RANBP2: variants seen among roughly 807,000 people sequenced by gnomAD.
RANBP2 encodes the protein E3 SUMO-protein ligase RanBP2.
In RANBP2, 57 loss-of-function variants were observed where a neutral mutation model predicts 303.6. The ratio of observed to expected loss-of-function variants is 0.19; its 90% confidence interval spans 0.15 to 0.23. RANBP2 has a LOEUF of 0.23. Among genes scored for constraint, RANBP2 ranks in the 10% least tolerant of loss-of-function variants. The probability of loss-of-function intolerance (pLI) is 1.00; values close to 1 mark genes in which losing one functional copy is unlikely to be tolerated. For synonymous variants in RANBP2, 1,167 were observed against 1,301.5 expected, an observed-to-expected ratio of 0.90 and a Z score of 2.23; for missense variants, 3,138 against 3,780.8, an observed-to-expected ratio of 0.83 and a Z score of 4.46.
the RANBP2 span, chr2:108,894,739 C>T: frequency 1.3e-5 from 2 of 148,308 alleles, no homozygotes; most frequent in East Asian, 3.9e-4. Flanking sequence ...CAGAGTAAAT[C>T]CCATGTTTCC....
chr2:109,117,130 C>A, the RANBP2 span, among the ~76,000 whole-genome samples: 1 of 152,250 alleles, frequency 6.6e-6, no homozygotes, highest in African/African-American at 2.4e-5. Flanking sequence ...AGATCTCCAG[C>A]TGCATGCTGG....
At chr2:109,562,246 A>T in the RANBP2 span, among the ~76,000 whole-genome samples, 8 of 151,942 alleles carry the variant, frequency 5.3e-5, no homozygotes, top group Non-Finnish European at 5.9e-5. Flanking sequence ...AATTAAATTT[A>T]AAAAAATACA....
chr2:109,564,368 G>T, the RANBP2 span: 5 of 1,550,970 alleles, frequency 3.2e-6, no homozygotes, highest in Non-Finnish European at 4.4e-6. Flanking sequence ...CACCCTACCT[G>T]ACTGGCTTGT....
the RANBP2 span, chr2:109,732,940 A>G: frequency 1.5e-6 from 1 of 672,754 alleles, no homozygotes; most frequent in Non-Finnish European, 2.8e-6. Flanking sequence ...AGGAACTGTC[A>G]AACGGTGAAA....
chr2:108,766,190 C>T lies in RANBP2; in HGVS notation c.5651C>T (p.Ser1884Leu), dbSNP rs1197718834. 3 of 1,612,058 alleles carry T rather than the reference C, an allele frequency of 1.9e-6. No homozygotes were observed. Among genetic ancestry groups the T allele is most frequent in the Non-Finnish European group, 2.5e-6 (3 of 1,179,980 alleles). ...FQGSSNTEFK[S>L]TKEGFSIPVS... Reference sequence around the variant, plus strand: ...GGTTCTTCTAATACAGAATTTAAGTCAACCAAAGAAGGATTTTCCATCCCT... The same window carrying T: ...GGTTCTTCTAATACAGAATTTAAGTTAACCAAAGAAGGATTTTCCATCCCT... The change falls in exon 20 of 29, where the codon TCA (serine) becomes TTA (leucine). Residue 1884 changes from serine (S) to leucine (L), a missense_variant. Coordinates refer to ENST00000283195, the MANE Select transcript of RANBP2 (RefSeq NM_006267.5).
chr2:108,730,879 T>C lies in RANBP2; in HGVS notation c.246T>C (p.Cys82=), dbSNP rs779956599. The change falls in exon 3 of 29, where the codon TGT becomes TGC. Residue 82 remains cysteine (C), a synonymous_variant. Transcript: ENST00000283195. ...LEENTDKAVE[C]YRRSVELNPT... is the part of the protein sequence containing the mutation. Reference sequence around the variant, plus strand: ...AAAACACAGACAAAGCCGTTGAATGTTACAGGGTAAGTTACAGGATTCAAA... The same window carrying C: ...AAAACACAGACAAAGCCGTTGAATGCTACAGGGTAAGTTACAGGATTCAAA... 3.1e-6 allele frequency: 5 copies of C among 1,611,552 alleles called. No homozygotes were observed. The highest frequency in any genetic ancestry group is 1.1e-5 in the South Asian group (1 of 90,990).
At chr2:109,184,904 A>G in the RANBP2 span, among the ~76,000 whole-genome samples, 1 of 152,264 alleles carries the variant, frequency 6.6e-6, no homozygotes, top group Non-Finnish European at 1.5e-5. Context: ...GCCTCATCAA[A>G]CAACCAAGAA....
chr2:108,882,829 G>T, the RANBP2 span: 6 of 152,164 alleles, frequency 3.9e-5, no homozygotes, highest in African/African-American at 1.4e-4. Flanking sequence ...CTAGATAAAT[G>T]GAACTGTGTG....
chr2:109,200,702 G>T, the RANBP2 span, among the ~76,000 whole-genome samples: 2 of 152,156 alleles, frequency 1.3e-5, no homozygotes, highest in Admixed American at 6.5e-5. Flanking sequence ...ACTCCGGTTG[G>T]TTCACCTGCT....
the RANBP2 span, among the ~76,000 whole-genome samples, chr2:108,808,635 C>T: frequency 1.4e-4 from 22 of 152,202 alleles, no homozygotes; most frequent in East Asian, 3.7e-3. Flanking sequence ...TTTTCATATA[C>T]CTGTTGGCTG....
the RANBP2 span, among the ~76,000 whole-genome samples, chr2:108,986,072 G>C: frequency 6.6e-6 from 1 of 152,124 alleles, no homozygotes; most frequent in Admixed American, 6.5e-5. Context: ...GACACTCTAA[G>C]GGCAATGATG....
the RANBP2 span, among the ~76,000 whole-genome samples, chr2:109,105,854 C>CT: frequency 4.3e-3 from 535 of 124,940 alleles, 3 homozygotes; most frequent in African/African-American, 0.011. Context: ...CGCGCCTGGT[C>CT]TTTTTTTTTT....
At chr2:109,281,015 C>G in the RANBP2 span, among the ~76,000 whole-genome samples, 1 of 152,356 alleles carries the variant, frequency 6.6e-6, no homozygotes, top group Non-Finnish European at 1.5e-5. Context: ...GCCTCACGCT[C>G]CTGACAACTG....
chr2:108,802,577 A>G, the RANBP2 span, among the ~76,000 whole-genome samples: 1 of 144,082 alleles, frequency 6.9e-6, no homozygotes, highest in African/African-American at 2.7e-5. Context: ...GTCTGCAAAC[A>G]GGGACAATTT....
the RANBP2 span, among the ~76,000 whole-genome samples, chr2:109,660,012 G>A: frequency 1.6e-4 from 25 of 152,198 alleles, no homozygotes; most frequent in African/African-American, 5.8e-4. Context: ...TGAGGCAGGA[G>A]AATAAGGCCT....
At chr2:108,742,438 G>T (rs1261578602) in intron 7 of RANBP2, among the ~76,000 whole-genome samples, 1 of 151,988 alleles carries the variant, frequency 6.6e-6, no homozygotes, top group African/African-American at 2.4e-5. Context: ...CACGTATCTG[G>T]GATTACAGGC....
chr2:108,883,582 G>A, the RANBP2 span: 1 of 152,262 alleles, frequency 6.6e-6, no homozygotes, highest in Admixed American at 6.5e-5. Flanking sequence ...GAGGATTCAG[G>A]ATGTCCAGTT....
chr2:109,075,318 G>A, the RANBP2 span, among the ~76,000 whole-genome samples: 118 of 150,126 alleles, frequency 7.9e-4, 1 homozygote, highest in African/African-American at 2.8e-3. Context: ...ACTGCCTACC[G>A]GGTTCAAGCA....
chr2:109,046,239 G>T, the RANBP2 span, among the ~76,000 whole-genome samples: 1 of 150,278 alleles, frequency 6.7e-6, no homozygotes, highest in Admixed American at 6.6e-5. Context: ...GGGAGGCGAA[G>T]GTTGCAGTGA....
Sources: allele counts gnomAD v4.1 joint callset (sites outside exome capture counted in the v4.1 genomes callset), GRCh38; gene constraint gnomAD v4.1.1; transcripts MANE v1.5; gene names NCBI Gene and HGNC (gene_info 2026-07-23, HGNC 2026-07-21).